Variants in CNTNAP2 observed in about 807,000 individuals in gnomAD.
The protein encoded by CNTNAP2 is contactin-associated protein-like 2.
Under a neutral mutation model 155.2 loss-of-function variants are expected in CNTNAP2, and 98 were observed. That is an observed-to-expected ratio of 0.63 (90% CI 0.54 to 0.75). The LOEUF (loss-of-function observed/expected upper bound fraction) is 0.75, where lower values mean the gene tolerates loss of function less well. CNTNAP2 is among the 30% of genes least tolerant of loss of function. CNTNAP2 has a pLI of 0.00. For synonymous variants in CNTNAP2, 651 were observed against 631.2 expected (o/e 1.03, Z -0.47); for missense variants, 1,727 against 1,688.1 (o/e 1.02, Z -0.40).
chr7:146,273,546 C>G (rs1279884504), intron 1 of CNTNAP2, among the ~76,000 whole-genome samples: 1 of 152,012 alleles, frequency 6.6e-6, no homozygotes, highest in Non-Finnish European at 1.5e-5. Context: ...ATTTTATTTA[C>G]AAAAATAGAT....
intron 15 of CNTNAP2, among the ~76,000 whole-genome samples, chr7:147,994,976 G>A (rs998113711): frequency 1.3e-5 from 2 of 152,166 alleles, no homozygotes; most frequent in Non-Finnish European, 2.9e-5. Flanking sequence ...GTCAGCAAAA[G>A]GAAACGTGCA....
chr7:146,926,623 T>C (rs1796615298), intron 3 of CNTNAP2, among the ~76,000 whole-genome samples: 1 of 152,158 alleles, frequency 6.6e-6, no homozygotes, highest in East Asian at 1.9e-4. Flanking sequence ...CTCTGAAATA[T>C]TTTGTAGCTT....
intron 11 of CNTNAP2, among the ~76,000 whole-genome samples, chr7:147,558,774 A>G (rs1435484168): frequency 1.3e-5 from 2 of 148,190 alleles, no homozygotes; most frequent in Non-Finnish European, 1.5e-5. Context: ...ATGGAGTCTT[A>G]CTCTGTCACC....
intron 2 of CNTNAP2, among the ~76,000 whole-genome samples, chr7:146,820,789 G>A (rs1803265175): frequency 6.6e-6 from 1 of 152,138 alleles, no homozygotes; most frequent in Non-Finnish European, 1.5e-5. Context: ...CATTATTATT[G>A]TGTGGGAGTC....
chr7:147,567,122 C>T (rs1800190318), intron 12 of CNTNAP2, among the ~76,000 whole-genome samples: 1 of 151,564 alleles, frequency 6.6e-6, no homozygotes. Flanking sequence ...GCTGCATAGA[C>T]AGCATAGGGG....
intron 13 of CNTNAP2, among the ~76,000 whole-genome samples, chr7:147,890,457 A>C (rs912774782): frequency 1.3e-5 from 2 of 152,180 alleles, no homozygotes; most frequent in African/African-American, 2.4e-5. Context: ...ATAAAAATAG[A>C]ACTCCCATAT....
At chr7:148,285,468 G>A (rs142793193) in intron 21 of CNTNAP2, among the ~76,000 whole-genome samples, 10 of 152,326 alleles carry the variant, frequency 6.6e-5, no homozygotes, top group Non-Finnish European at 1.2e-4. Flanking sequence ...TATCACGGGT[G>A]CCAGATTTAT....
chr7:146,400,965 C>T (rs1210355468), intron 1 of CNTNAP2, among the ~76,000 whole-genome samples: 1 of 152,110 alleles, frequency 6.6e-6, no homozygotes, highest in Non-Finnish European at 1.5e-5. Context: ...CCCAAACTCA[C>T]CCAATCTATG....
chr7:147,037,747 C>A (rs1299719018), intron 3 of CNTNAP2, among the ~76,000 whole-genome samples: 1 of 152,048 alleles, frequency 6.6e-6, no homozygotes, highest in Non-Finnish European at 1.5e-5. Context: ...GAGGCACAAA[C>A]AATACAGACT....
intron 12 of CNTNAP2, among the ~76,000 whole-genome samples, chr7:147,575,229 ATGTGTGTGTT>A (rs1411301737): frequency 4.7e-5 from 1 of 21,240 alleles, no homozygotes; most frequent in Non-Finnish European, 9.0e-5. Flanking sequence ...GAGTATGCAT[ATGTGTGTGTT>A]TGTGTGTGTG....
chr7:147,590,281 C>A (rs1184520603), intron 12 of CNTNAP2, among the ~76,000 whole-genome samples: 1 of 152,042 alleles, frequency 6.6e-6, no homozygotes, highest in Non-Finnish European at 1.5e-5. Flanking sequence ...TATGGTTTGG[C>A]TCTGTGTCCC....
chr7:146,789,230 T>C (rs561986159), intron 2 of CNTNAP2, among the ~76,000 whole-genome samples: 2 of 152,314 alleles, frequency 1.3e-5, no homozygotes, highest in Admixed American at 1.3e-4. Flanking sequence ...TTCACTATTC[T>C]GTCCTCCACT....
chr7:146,688,924 A>G (rs111251936), intron 1 of CNTNAP2, among the ~76,000 whole-genome samples: 3,751 of 152,248 alleles, frequency 0.025, 81 homozygotes, highest in Non-Finnish European at 0.034. Flanking sequence ...TAAAAATTAT[A>G]GTATGTAAAA....
At chr7:147,416,829 C>G (rs545074516) in intron 10 of CNTNAP2, among the ~76,000 whole-genome samples, 1 of 152,112 alleles carries the variant, frequency 6.6e-6, no homozygotes, top group Non-Finnish European at 1.5e-5. Context: ...TGCAGTGGCT[C>G]AGTAATCCTA....
At chr7:147,308,005 T>G (rs566284895) in intron 9 of CNTNAP2, among the ~76,000 whole-genome samples, 1 of 152,268 alleles carries the variant, frequency 6.6e-6, no homozygotes, top group South Asian at 2.1e-4. Context: ...TGAGTGTATT[T>G]GGGGGAAAAT....
intron 9 of CNTNAP2, among the ~76,000 whole-genome samples, chr7:147,317,152 G>C (rs1325985346): frequency 2.0e-5 from 3 of 152,040 alleles, no homozygotes; most frequent in Non-Finnish European, 4.4e-5. Flanking sequence ...CTGTTTCACT[G>C]CCACTGTGAT....
At chr7:146,361,835 A>T (rs1795087269) in intron 1 of CNTNAP2, among the ~76,000 whole-genome samples, 1 of 152,200 alleles carries the variant, frequency 6.6e-6, no homozygotes, top group Admixed American at 6.5e-5. Flanking sequence ...AAGGCATGAA[A>T]CAAAATATTG....
chr7:147,178,765 G>A (rs1022871296), intron 8 of CNTNAP2, among the ~76,000 whole-genome samples: 1 of 152,172 alleles, frequency 6.6e-6, no homozygotes, highest in Non-Finnish European at 1.5e-5. Flanking sequence ...TTATGACAAA[G>A]TAGAGGAATT....
intron 15 of CNTNAP2, among the ~76,000 whole-genome samples, chr7:148,054,860 A>G (rs1802978129): frequency 6.6e-6 from 1 of 150,994 alleles, no homozygotes; most frequent in Non-Finnish European, 1.5e-5. Context: ...TACTTTCTCC[A>G]GTATGTAAAT....
Sources: gnomAD v4.1 joint callset for allele counts (sites outside exome capture counted in the v4.1 genomes callset) on GRCh38, gnomAD v4.1.1 for gene constraint, MANE v1.5 for transcripts, NCBI Gene and HGNC (gene_info 2026-07-23, HGNC 2026-07-21) for gene names.